The following APBB1IP variants were observed in gnomAD, a reference collection of about 807,000 sequenced individuals.
APBB1IP encodes amyloid beta precursor protein binding family B member 1 interacting protein.
A neutral mutation model predicts 64.9 loss-of-function variants in APBB1IP; 27 were observed. That is an observed-to-expected ratio of 0.42 (90% confidence interval 0.31 to 0.57). The LOEUF is 0.57. Among genes scored for constraint, APBB1IP ranks in the 20% least tolerant of loss-of-function variants. The pLI is 0.20. For missense variants in APBB1IP, 812 were observed against 845.5 expected, an observed-to-expected ratio of 0.96 and a Z score of 0.49; for synonymous variants, 392 against 331.0, an observed-to-expected ratio of 1.18 and a Z score of -2.00.
chr10:26,469,673 G>T (rs1056690049), intron 2 of APBB1IP, among the ~76,000 whole-genome samples: 21 of 152,000 alleles, frequency 1.4e-4, no homozygotes, highest in Admixed American at 5.2e-4. Context: ...TGATGCCAAG[G>T]TTTGTGGTAC....
chr10:26,496,495 C>A, intron 4 of APBB1IP, 104 bp downstream of exon 4: 1 of 869,956 alleles, frequency 1.1e-6, no homozygotes, highest in Non-Finnish European at 1.8e-6. Flanking sequence ...ACCTAAACAT[C>A]ATGATAAATA....
intron 11 of APBB1IP, among the ~76,000 whole-genome samples, chr10:26,555,773 A>G (rs1174819565): frequency 6.6e-6 from 1 of 152,026 alleles, no homozygotes; most frequent in Non-Finnish European, 1.5e-5. Flanking sequence ...TAATTTTTGT[A>G]CTTTTTGTAG....
chr10:26,497,603 A>C (rs1216381803), intron 4 of APBB1IP, among the ~76,000 whole-genome samples: 2 of 152,106 alleles, frequency 1.3e-5, no homozygotes, highest in African/African-American at 4.8e-5. Flanking sequence ...AACTCCCTGC[A>C]ACTCTGGAAA....
chr10:26,464,086 G>T (rs996076793), intron 2 of APBB1IP, among the ~76,000 whole-genome samples: 2 of 152,156 alleles, frequency 1.3e-5, no homozygotes, highest in African/African-American at 4.8e-5. Flanking sequence ...TCTGTCTTCA[G>T]CAGCCCTCCT....
At chr10:26,500,367 T>A (rs868836946) in intron 4 of APBB1IP, among the ~76,000 whole-genome samples, 1 of 152,216 alleles carries the variant, frequency 6.6e-6, no homozygotes, top group African/African-American at 2.4e-5. Context: ...AAATCCAATT[T>A]CTTCTAAATA....
chr10:26,551,059 C>A (rs1018231637), intron 11 of APBB1IP, among the ~76,000 whole-genome samples: 1 of 152,220 alleles, frequency 6.6e-6, no homozygotes, highest in Non-Finnish European at 1.5e-5. Flanking sequence ...GCCGGTCAGG[C>A]TCTCAGGTCC....
At chr10:26,464,469 T>C (rs1284430273) in intron 2 of APBB1IP, among the ~76,000 whole-genome samples, 1 of 152,170 alleles carries the variant, frequency 6.6e-6, no homozygotes, top group Admixed American at 6.6e-5. Flanking sequence ...GGCACAATCA[T>C]GGTCCATTGC....
chr10:26,564,075 T>C (rs1450812429), intron 14 of APBB1IP, among the ~76,000 whole-genome samples: 1 of 148,964 alleles, frequency 6.7e-6, no homozygotes, highest in Non-Finnish European at 1.5e-5. Flanking sequence ...GAGCTTATCA[T>C]GTGAAGTAAA....
At chr10:26,509,025 G>A (rs1296844205) in intron 6 of APBB1IP, among the ~76,000 whole-genome samples, 1 of 152,160 alleles carries the variant, frequency 6.6e-6, no homozygotes, top group Admixed American at 6.5e-5. Flanking sequence ...TTGGTAGTGT[G>A]TCTTAGCACA....
chr10:26,552,414 A>T (rs1027985066), intron 11 of APBB1IP, among the ~76,000 whole-genome samples: 1 of 152,078 alleles, frequency 6.6e-6, no homozygotes, highest in Admixed American at 6.6e-5. Context: ...CCTGGGCAAC[A>T]TAGGGAGACC....
chr10:26,529,212 A>T (rs1836517489), intron 8 of APBB1IP, among the ~76,000 whole-genome samples: 1 of 152,230 alleles, frequency 6.6e-6, no homozygotes, highest in South Asian at 2.1e-4. Context: ...GGATATAATG[A>T]CTAAACGTTG....
chr10:26,482,382 T>C (rs958363221), intron 2 of APBB1IP, among the ~76,000 whole-genome samples: 2 of 152,238 alleles, frequency 1.3e-5, no homozygotes, highest in Admixed American at 6.5e-5. Flanking sequence ...TATGCTGTGT[T>C]ATTCTGTGAA....
chr10:26,563,760 G>A (rs1452782159), intron 14 of APBB1IP, among the ~76,000 whole-genome samples: 3 of 152,216 alleles, frequency 2.0e-5, no homozygotes, highest in Non-Finnish European at 4.4e-5. Context: ...TCAGCCAGTG[G>A]TGAAAACAAC....
chr10:26,494,198 T>A (rs1244317662), intron 3 of APBB1IP, among the ~76,000 whole-genome samples: 6 of 152,098 alleles, frequency 3.9e-5, no homozygotes, highest in Admixed American at 3.9e-4. Context: ...AACCATAGAC[T>A]GAGAAAAAAG....
intron 9 of APBB1IP, 128 bp from the exon 10 acceptor site, chr10:26,535,946 C>A: frequency 2.3e-6 from 2 of 881,956 alleles, no homozygotes; most frequent in Non-Finnish European, 3.4e-6. Flanking sequence ...TAAACATATG[C>A]ATTCGATCAG....
chr10:26,487,786 C>T (rs1453928794), intron 2 of APBB1IP, among the ~76,000 whole-genome samples: 1 of 152,190 alleles, frequency 6.6e-6, no homozygotes, highest in Non-Finnish European at 1.5e-5. Context: ...ATCGATGTCA[C>T]ATTTCCAGAC....
At chr10:26,556,990 A>T (rs1209448504) in intron 11 of APBB1IP, among the ~76,000 whole-genome samples, 1 of 152,162 alleles carries the variant, frequency 6.6e-6, no homozygotes. Context: ...TGCTGGAGGC[A>T]TTTGTGGGCT....
chr10:26,563,598 C>T (rs1209029330), intron 14 of APBB1IP, among the ~76,000 whole-genome samples: 1 of 152,178 alleles, frequency 6.6e-6, no homozygotes, highest in African/African-American at 2.4e-5. Flanking sequence ...TTCAAAGCTT[C>T]TCAGCTGACT....
At chr10:26,558,840 G>T (rs1414286379) in intron 11 of APBB1IP, among the ~76,000 whole-genome samples, 1 of 152,182 alleles carries the variant, frequency 6.6e-6, no homozygotes, top group African/African-American at 2.4e-5. Flanking sequence ...AATGCAAGGA[G>T]TTTCTCTTTC....
Sources: gnomAD v4.1 joint callset for allele counts (sites outside exome capture counted in the v4.1 genomes callset) on GRCh38, gnomAD v4.1.1 for gene constraint, MANE v1.5 for transcripts, NCBI Gene and HGNC (gene_info 2026-07-23, HGNC 2026-07-21) for gene names.